Variants in CDH23 observed in about 807,000 individuals in gnomAD.
CDH23 encodes cadherin-23.
CDH23 carries 189 observed loss-of-function variants against 317.1 expected under a neutral mutation model. That is an observed-to-expected ratio of 0.60 (90% CI 0.53 to 0.67). CDH23 has a LOEUF of 0.67. CDH23 is among the 30% of genes least tolerant of loss of function. CDH23 has a pLI of 0.00. For synonymous variants in CDH23, 1,839 were observed against 1,876.8 expected, an observed-to-expected ratio of 0.98 and a Z score of 0.52; for missense variants, 4,401 against 4,592.4, an observed-to-expected ratio of 0.96 and a Z score of 1.20.
intron 34 of CDH23, chr10:71,737,758 G>A (rs1048960911): frequency 6.8e-5 from 32 of 469,772 alleles, no homozygotes; most frequent in East Asian, 2.8e-4. Flanking sequence ...GCCTGTGGCC[G>A]TCCGTGGACT....
chr10:71,590,341 C>G (rs919202215), intron 9 of CDH23, among the ~76,000 whole-genome samples: 2 of 152,214 alleles, frequency 1.3e-5, no homozygotes, highest in African/African-American at 2.4e-5. Flanking sequence ...CCCATCCCAG[C>G]CTTACCCCTC....
At chr10:71,637,713 A>AC (rs1862341427) in intron 11 of CDH23, among the ~76,000 whole-genome samples, 1 of 151,662 alleles carries the variant, frequency 6.6e-6, no homozygotes, top group Admixed American at 6.6e-5. Context: ...TGGGGGCCCC[A>AC]CTCCGCACTC....
At chr10:71,506,501 C>G (rs772541828) in intron 3 of CDH23, among the ~76,000 whole-genome samples, 20 of 152,210 alleles carry the variant, frequency 1.3e-4, no homozygotes, top group Non-Finnish European at 2.2e-4. Flanking sequence ...GCATGTGTAC[C>G]CCAGGGTCCC....
At chr10:71,408,071 G>A (rs765463677) in intron 1 of CDH23, among the ~76,000 whole-genome samples, 29 of 152,048 alleles carry the variant, frequency 1.9e-4, no homozygotes, top group Non-Finnish European at 3.2e-4. Context: ...TGGGATTTAC[G>A]AGATATATAC....
At chr10:71,765,807 T>C (rs1840526525) in intron 38 of CDH23, among the ~76,000 whole-genome samples, 1 of 152,006 alleles carries the variant, frequency 6.6e-6, no homozygotes, top group African/African-American at 2.4e-5. Context: ...GGATTCAAGT[T>C]TGGGGAGCAG....
chr10:71,511,129 C>A lies in CDH23; in HGVS notation c.346C>A (p.Arg116=). ...SVSDHQGVIT[R]KVNIQVGDVN... is the part of the protein sequence containing the mutation. ...GCCTTTCTCTTGCCAGGTGATCACA[C>A]GGAAGGTGAACATCCAGGTTGGGGA... Residue 116 remains arginine (R), a synonymous_variant, in exon 6 of 70, where the codon CGG becomes AGG. Transcript: ENST00000224721. 6.2e-7 allele frequency: 1 copy of A among 1,613,446 alleles called. No homozygotes were observed. The highest frequency in any genetic ancestry group is 2.2e-5 in the East Asian group (1 of 44,866).
At chr10:71,639,496 A>G (rs1057130314) in intron 11 of CDH23, among the ~76,000 whole-genome samples, 6 of 152,196 alleles carry the variant, frequency 3.9e-5, no homozygotes, top group African/African-American at 1.4e-4. Flanking sequence ...TCACTATGCC[A>G]GCTCCTGGCA....
chr10:71,526,375 A>G (rs1185211720), intron 6 of CDH23, among the ~76,000 whole-genome samples: 2 of 152,188 alleles, frequency 1.3e-5, no homozygotes, highest in African/African-American at 4.8e-5. Context: ...CCTGGGTCCA[A>G]GGTGAGCAGA....
chr10:71,515,900 G>A lies in CDH23; in HGVS notation c.429+4688G>A, dbSNP rs559020460. Reference sequence around the variant, plus strand: ...TACATCTAAATGTATTAAATGCCATGGTAGCTTTGTATGTGCACAGTGTAT... The same window carrying A: ...TACATCTAAATGTATTAAATGCCATAGTAGCTTTGTATGTGCACAGTGTAT... On this transcript the variant is annotated intron_variant, in intron 6 of 69. Coordinates refer to ENST00000224721, the MANE Select transcript of CDH23 (RefSeq NM_022124.6). Among the ~76,000 whole-genome samples, 6 of 152,316 alleles carry A rather than the reference G, an allele frequency of 3.9e-5. No individual in the cohort carries two copies. In the East Asian group the frequency reaches 1.2e-3, roughly 29 times the overall value.
chr10:71,681,480 C>A (rs1864647485), intron 17 of CDH23, among the ~76,000 whole-genome samples: 2 of 152,196 alleles, frequency 1.3e-5, no homozygotes, highest in African/African-American at 4.8e-5. Context: ...CTGCCTTTGG[C>A]CTTAGGGTTC....
chr10:71,449,767 C>A (rs960570792), intron 3 of CDH23, among the ~76,000 whole-genome samples: 5 of 152,196 alleles, frequency 3.3e-5, no homozygotes. Context: ...TGAGCCTTCT[C>A]GTTTTGTATG....
intron 3 of CDH23, among the ~76,000 whole-genome samples, chr10:71,509,295 C>T (rs1853818772): frequency 6.6e-6 from 1 of 152,204 alleles, no homozygotes; most frequent in Admixed American, 6.5e-5. Flanking sequence ...AGAGAAGGTG[C>T]TTCCATTTGC....
intron 2 of CDH23, among the ~76,000 whole-genome samples, chr10:71,444,973 A>T (rs187252231): frequency 2.4e-4 from 37 of 152,272 alleles, no homozygotes; most frequent in Admixed American, 1.7e-3. Flanking sequence ...AAGGCCCCTA[A>T]GAGAAGCTGG....
In CDH23 at chr10:71,802,230, C is replaced by T. The variant is rs989482176; in HGVS notation, c.7483-668C>T. Among the ~76,000 whole-genome samples, 7 of 152,232 alleles carry T rather than the reference C, an allele frequency of 4.6e-5. No individual in the cohort carries two copies. The East Asian group carries it at 9.6e-4, about 21-fold the overall frequency. ...GGCTGAGGCAGGAGAATCATTTGAA[C>T]CCAGGAGGTGGAGGTTGCAGTGAGC... On this transcript the variant is annotated intron_variant, in intron 53 of 69. Coordinates refer to ENST00000224721, the MANE Select transcript of CDH23 (RefSeq NM_022124.6).
At position 71,802,961 on chromosome 10, in the gene CDH23, A is replaced by G. The variant is rs1243652019; in HGVS notation, c.7546A>G (p.Thr2516Ala). ...RPQFSKPQFS[T>A]SVYENEPAGT... ...ACAGTTCTCCAAGCCCCAGTTCAGC[A>G]CAAGCGTGTATGAGAATGAGCCGGC... The change falls in exon 54 of 70, where the codon ACA (threonine) becomes GCA (alanine). Residue 2516 changes from threonine (T) to alanine (A), a missense_variant. Thr to Ala is a moderately conservative substitution (Grantham distance 58). Around this residue, in one of 3 missense-constraint regions of CDH23, gnomAD observed 189 missense variants for 250.9 expected, o/e 0.75. Transcript: ENST00000224721. 6.2e-7 allele frequency: 1 copy of G among 1,614,032 alleles called. No homozygotes were observed. Among genetic ancestry groups the G allele is most frequent in the Admixed American group, 1.7e-5 (1 of 60,020 alleles).
chr10:71,478,235 T>C (rs1329313644), intron 3 of CDH23, among the ~76,000 whole-genome samples: 1 of 152,222 alleles, frequency 6.6e-6, no homozygotes, highest in African/African-American at 2.4e-5. Context: ...CTGGCATACA[T>C]ACTCTGCCGA....
intron 36 of CDH23, among the ~76,000 whole-genome samples, chr10:71,740,209 G>A (rs879912430): frequency 2.8e-4 from 42 of 152,224 alleles, no homozygotes; most frequent in Non-Finnish European, 4.6e-4. Context: ...GAGGAGCCAC[G>A]AAGGCTATCA....
intron 7 of CDH23, 64 bp downstream of exon 7, chr10:71,567,000 CG>C: frequency 6.7e-7 from 1 of 1,493,214 alleles, no homozygotes; most frequent in Non-Finnish European, 9.2e-7. Flanking sequence ...AAGAGAGTGA[CG>C]GGGCATTCCA....
chr10:71,476,862 G>C (rs1851820163), intron 3 of CDH23, among the ~76,000 whole-genome samples: 2 of 152,150 alleles, frequency 1.3e-5, no homozygotes, highest in African/African-American at 4.8e-5. Flanking sequence ...CTCTTCCAGA[G>C]TGAGAACATT....
Sources: gnomAD v4.1 joint callset for allele counts (sites outside exome capture counted in the v4.1 genomes callset) on GRCh38, gnomAD v4.1.1 for gene constraint, gnomAD v4.1.1 regional missense constraint, MANE v1.5 for transcripts, NCBI Gene and HGNC (gene_info 2026-07-23, HGNC 2026-07-21) for gene names.